The following MAGI1 variants were observed in gnomAD, a reference collection of about 807,000 sequenced individuals.
MAGI1 encodes membrane-associated guanylate kinase, WW and PDZ domain-containing protein 1.
Under a neutral mutation model 139.9 loss-of-function variants are expected in MAGI1, and 58 were observed. The observed-to-expected ratio is 0.41, with a 90% CI of 0.34 to 0.52. The LOEUF is 0.52. Among genes scored for constraint, MAGI1 ranks in the 20% least tolerant of loss-of-function variants. The pLI, the probability that MAGI1 is intolerant of heterozygous loss-of-function variation, is 0.12. For missense variants in MAGI1, 1,874 were observed against 1,901.6 expected, an observed-to-expected ratio of 0.99 and a Z score of 0.27; for synonymous variants, 812 against 737.9, an observed-to-expected ratio of 1.10 and a Z score of -1.63.
At chr3:65,885,397 C>CA (rs200832799) in intron 1 of MAGI1, among the ~76,000 whole-genome samples, 12,639 of 127,536 alleles carry the variant, frequency 0.099, 836 homozygotes, top group African/African-American at 0.2. Context: ...AACTCTGTCT[C>CA]AAAAAAAAAA....
chr3:65,464,007 T>C (rs1950000123), intron 5 of MAGI1, among the ~76,000 whole-genome samples: 1 of 152,214 alleles, frequency 6.6e-6, no homozygotes, highest in East Asian at 1.9e-4. Context: ...TTTATTCTAT[T>C]CTTCTCTCTT....
intron 12 of MAGI1, among the ~76,000 whole-genome samples, chr3:65,403,022 T>C (rs1052773815): frequency 6.6e-6 from 1 of 152,128 alleles, no homozygotes; most frequent in Admixed American, 6.5e-5. Flanking sequence ...GGACCATATT[T>C]AAGGAAACTC....
At chr3:65,953,921 TAG>T (rs990037460) in intron 1 of MAGI1, among the ~76,000 whole-genome samples, 1 of 152,244 alleles carries the variant, frequency 6.6e-6, no homozygotes, top group Non-Finnish European at 1.5e-5. Flanking sequence ...ACTGAAAACC[TAG>T]TGCTACCTTT....
rs1376710541 is a variant in MAGI1 at position 65,839,417 on chromosome 3, A to T, written c.313+198579T>A. On this transcript the variant is annotated intron_variant, in intron 1 of 22. Transcript: ENST00000402939. ...ATGTATTCCTTCGACTTTTTTTTTT[A>T]ATTGACTGTAAAACAGCCTCAAGCA... Among the ~76,000 whole-genome samples the T allele has an allele frequency of 4.6e-5, 7 of 151,364 alleles. No individual in the cohort carries two copies. In the East Asian group the frequency reaches 1.4e-3, roughly 29 times the overall value.
chr3:65,900,629 GA>G (rs1276495665), intron 1 of MAGI1, among the ~76,000 whole-genome samples: 1 of 152,152 alleles, frequency 6.6e-6, no homozygotes. Flanking sequence ...GCCCCACAAA[GA>G]AACACAAAAA....
chr3:65,830,634 AC>A (rs2042471433), intron 1 of MAGI1, among the ~76,000 whole-genome samples: 2 of 151,918 alleles, frequency 1.3e-5, no homozygotes, highest in Non-Finnish European at 2.9e-5. Flanking sequence ...ATATTTGCTA[AC>A]AATTTTCCAT....
rs72894109 is a variant in MAGI1 at position 65,789,714 on chromosome 3, G to A, written c.314-167626C>T. ...TTTAGCCGGGATCTCCCTCGCCCACGGCCCTATGGCTGCAATTAGGGACCT... is the reference window on the plus strand; with the variant it reads ...TTTAGCCGGGATCTCCCTCGCCCACAGCCCTATGGCTGCAATTAGGGACCT... On this transcript the variant is annotated intron_variant, in intron 1 of 22. Transcript: ENST00000402939. Among the ~76,000 whole-genome samples the A allele has an allele frequency of 7.9e-5, 12 of 152,182 alleles. No individual in the cohort carries two copies. The South Asian group carries it at 8.3e-4, about 11-fold the overall frequency.
chr3:65,387,357 A>G (rs572124401), intron 14 of MAGI1: 2 of 617,492 alleles, frequency 3.2e-6, no homozygotes, highest in South Asian at 4.4e-5. Context: ...TGTTATGTTA[A>G]AAGACTATAG....
chr3:65,856,000 C>G (rs1192169564), intron 1 of MAGI1, among the ~76,000 whole-genome samples: 1 of 152,050 alleles, frequency 6.6e-6, no homozygotes, highest in Non-Finnish European at 1.5e-5. Context: ...CACTGACCAG[C>G]AGAATTTTCT....
At chr3:65,609,345 T>C (rs553830687) in intron 2 of MAGI1, among the ~76,000 whole-genome samples, 1 of 152,002 alleles carries the variant, frequency 6.6e-6, no homozygotes, top group African/African-American at 2.4e-5. Flanking sequence ...TGGCCTGATG[T>C]TGACTCACTG....
At chr3:65,893,279 A>C (rs2060838632) in intron 1 of MAGI1, among the ~76,000 whole-genome samples, 1 of 152,152 alleles carries the variant, frequency 6.6e-6, no homozygotes, top group Non-Finnish European at 1.5e-5. Flanking sequence ...AACCTCAGAA[A>C]AAAAAATGTG....
chr3:65,828,125 T>A (rs566091356), intron 1 of MAGI1, among the ~76,000 whole-genome samples: 1 of 152,354 alleles, frequency 6.6e-6, no homozygotes, highest in African/African-American at 2.4e-5. Flanking sequence ...GTGATGGACT[T>A]CAAATCAGCT....
At chr3:65,962,122 ATTT>A (rs567359350) in intron 1 of MAGI1, among the ~76,000 whole-genome samples, 4,595 of 122,456 alleles carry the variant, frequency 0.038, 237 homozygotes, top group African/African-American at 0.13. Context: ...ATCTGATTGT[ATTT>A]TTTTTTTTTT....
At chr3:65,930,449 T>G (rs151286079) in intron 1 of MAGI1, among the ~76,000 whole-genome samples, 1 of 150,300 alleles carries the variant, frequency 6.7e-6, no homozygotes, top group Admixed American at 6.6e-5. Flanking sequence ...TGTCCACTTG[T>G]GGCCAGGCAC....
intron 1 of MAGI1, among the ~76,000 whole-genome samples, chr3:65,781,261 C>A (rs1448905937): frequency 4.6e-5 from 7 of 152,096 alleles, no homozygotes; most frequent in African/African-American, 1.7e-4. Context: ...TACCTGCACA[C>A]AGAGCCTTCC....
chr3:65,400,750 ATTTTTTTTTTTTTTTTTTT>A (rs767598706), intron 13 of MAGI1, among the ~76,000 whole-genome samples: 37 of 60,602 alleles, frequency 6.1e-4, no homozygotes, highest in South Asian at 1.1e-3. Context: ...CAAAACATTG[ATTTTTTTTTTTTTTTTTTT>A]TTTTTTTTTT....
chr3:65,767,947 C>A (rs2037624104), intron 1 of MAGI1, among the ~76,000 whole-genome samples: 1 of 152,202 alleles, frequency 6.6e-6, no homozygotes, highest in Non-Finnish European at 1.5e-5. Context: ...GACCATTCTG[C>A]ATGCCCAATG....
At chr3:65,955,875 T>C (rs1175205073) in intron 1 of MAGI1, among the ~76,000 whole-genome samples, 1 of 152,080 alleles carries the variant, frequency 6.6e-6, no homozygotes, top group Non-Finnish European at 1.5e-5. Context: ...CTGTTTGTTT[T>C]CGGTGGAGGA....
At chr3:65,805,337 A>C (rs1467856556) in intron 1 of MAGI1, among the ~76,000 whole-genome samples, 1 of 152,230 alleles carries the variant, frequency 6.6e-6, no homozygotes, top group Non-Finnish European at 1.5e-5. Flanking sequence ...GTATGAAAAA[A>C]AGCTCAACAT....
Sources: allele counts gnomAD v4.1 joint callset (sites outside exome capture counted in the v4.1 genomes callset), GRCh38; gene constraint gnomAD v4.1.1; transcripts MANE v1.5; gene names NCBI Gene and HGNC (gene_info 2026-07-23, HGNC 2026-07-21).